Variants in SCG5 observed in about 807,000 individuals in gnomAD.
SCG5 encodes neuroendocrine protein 7B2.
SCG5 carries 18 observed loss-of-function variants against 25.7 expected under a neutral mutation model. The observed-to-expected ratio is 0.70, with a 90% confidence interval of 0.48 to 1.04. The LOEUF (loss-of-function observed/expected upper bound fraction) is 1.04. Among genes scored for constraint, SCG5 ranks in the 50% least tolerant of loss-of-function variants. SCG5 has a pLI of 0.00. For missense variants in SCG5, 206 were observed against 259.8 expected (o/e 0.79, Z 1.42); for synonymous variants, 101 against 91.7 (o/e 1.10, Z -0.58).
chr15:32,649,936 T>G (rs1459899582), intron 2 of SCG5, among the ~76,000 whole-genome samples: 2 of 152,022 alleles, frequency 1.3e-5, no homozygotes, highest in African/African-American at 4.8e-5. Context: ...CTGGTTCGAG[T>G]TGGTGTTTGA....
At chr15:32,649,646 A>G (rs539445882) in intron 2 of SCG5, among the ~76,000 whole-genome samples, 3 of 152,164 alleles carry the variant, frequency 2.0e-5, no homozygotes, top group African/African-American at 7.2e-5. Flanking sequence ...CAAAACATCC[A>G]GAGAGGATTG....
chr15:32,686,136 C>T (rs1016325610), intron 4 of SCG5, among the ~76,000 whole-genome samples: 3 of 152,324 alleles, frequency 2.0e-5, no homozygotes, highest in East Asian at 3.9e-4. Context: ...TTGCATTATT[C>T]CATTTCCTTC....
intron 3 of SCG5, among the ~76,000 whole-genome samples, chr15:32,681,898 A>G (rs1337214544): frequency 6.6e-6 from 1 of 152,202 alleles, no homozygotes; most frequent in Non-Finnish European, 1.5e-5. Flanking sequence ...CAAAGCTTCC[A>G]TCTTGAGGCA....
intron 2 of SCG5, among the ~76,000 whole-genome samples, chr15:32,648,215 T>C (rs554319888): frequency 6.6e-6 from 1 of 152,168 alleles, no homozygotes; most frequent in African/African-American, 2.4e-5. Context: ...CATGCCTCAA[T>C]TTTAAGTAAT....
At chr15:32,691,808 T>C (rs749989123) in intron 5 of SCG5, 45 bp downstream of exon 5, 22 of 1,603,606 alleles carry the variant, frequency 1.4e-5, no homozygotes, top group Non-Finnish European at 1.9e-5. Context: ...CTTGGAGCTT[T>C]CTGAGTGGGG....
At chr15:32,668,227 C>T (rs146235765) in intron 2 of SCG5, among the ~76,000 whole-genome samples, 3 of 152,290 alleles carry the variant, frequency 2.0e-5, no homozygotes, top group African/African-American at 7.2e-5. Flanking sequence ...AAAGAATTTT[C>T]TATGAGATTA....
chr15:32,664,639 A>G (rs948063422), intron 2 of SCG5, among the ~76,000 whole-genome samples: 6 of 152,186 alleles, frequency 3.9e-5, no homozygotes, highest in African/African-American at 1.4e-4. Flanking sequence ...TGCGCCCATG[A>G]GGGGCCCTCA....
chr15:32,660,611 T>C (rs2054200386), intron 2 of SCG5, among the ~76,000 whole-genome samples: 2 of 152,234 alleles, frequency 1.3e-5, no homozygotes, highest in African/African-American at 4.8e-5. Flanking sequence ...GTCATTCACA[T>C]GTAGCTTTGG....
intron 3 of SCG5, 22 bp from the exon 4 acceptor site, chr15:32,684,535 A>G (rs376655071): frequency 4.3e-5 from 66 of 1,518,852 alleles, no homozygotes; most frequent in Admixed American, 6.9e-5. Context: ...GCCGTTCCTC[A>G]AAAACCTTTG....
intron 5 of SCG5, among the ~76,000 whole-genome samples, chr15:32,692,694 A>G (rs890217540): frequency 1.3e-5 from 2 of 152,218 alleles, no homozygotes; most frequent in African/African-American, 2.4e-5. Flanking sequence ...CTATTTATTC[A>G]GAAGAGCAAG....
At chr15:32,657,220 T>TATATATATATATATATATG (rs71113464) in intron 2 of SCG5, among the ~76,000 whole-genome samples, 1 of 106,510 alleles carries the variant, frequency 9.4e-6, no homozygotes, top group Non-Finnish European at 2.1e-5. Context: ...TATGTATGTA[T>TATATATATATATATATATG]TTCCAGGTGT....
chr15:32,655,554 A>G (rs1464838601), intron 2 of SCG5, among the ~76,000 whole-genome samples: 1 of 152,144 alleles, frequency 6.6e-6, no homozygotes, highest in East Asian at 1.9e-4. Flanking sequence ...GGGCAACGGG[A>G]AATCCCCTCA....
intron 3 of SCG5, 87 bp downstream of exon 3, chr15:32,680,002 G>A: frequency 1.6e-6 from 2 of 1,252,954 alleles, no homozygotes; most frequent in African/African-American, 1.5e-5. Context: ...AATATTCCCA[G>A]AAATTGTTAT....
At chr15:32,645,267 T>TG (rs533353185) in intron 2 of SCG5, among the ~76,000 whole-genome samples, 2 of 152,348 alleles carry the variant, frequency 1.3e-5, no homozygotes, top group South Asian at 4.1e-4. Flanking sequence ...TGGAGTTCTC[T>TG]GAGTTTCCAC....
intron 4 of SCG5, among the ~76,000 whole-genome samples, chr15:32,686,032 C>A (rs1467326239): frequency 2.0e-5 from 3 of 152,184 alleles, no homozygotes; most frequent in African/African-American, 4.8e-5. Flanking sequence ...CTTTAACATG[C>A]ATTGTCAGTT....
chr15:32,643,465 T>C (rs1194486633), intron 1 of SCG5, 121 bp from the exon 2 acceptor site: 12 of 742,110 alleles, frequency 1.6e-5, no homozygotes. Flanking sequence ...AAGGATTCTT[T>C]GTTACAACCC....
intron 5 of SCG5, chr15:32,692,236 C>G: frequency 1.0e-6 from 1 of 990,912 alleles, no homozygotes; most frequent in South Asian, 4.7e-5. Context: ...GATGAACAAA[C>G]TTAATTTCTC....
chr15:32,654,860 C>T (rs2054089393), intron 2 of SCG5, among the ~76,000 whole-genome samples: 1 of 152,154 alleles, frequency 6.6e-6, no homozygotes. Context: ...TCTGAGACAC[C>T]AGCAAGTGGG....
At chr15:32,688,577 CATG>C (rs779892213) in intron 4 of SCG5, among the ~76,000 whole-genome samples, 1 of 152,188 alleles carries the variant, frequency 6.6e-6, no homozygotes, top group Non-Finnish European at 1.5e-5. Flanking sequence ...TCAGCAAGCA[CATG>C]ATGTCAGGGA....
Sources: gnomAD v4.1 joint callset for allele counts (sites outside exome capture counted in the v4.1 genomes callset) on GRCh38, gnomAD v4.1.1 for gene constraint, MANE v1.5 for transcripts, NCBI Gene and HGNC (gene_info 2026-07-23, HGNC 2026-07-21) for gene names.